The following HIF3A variants were observed in gnomAD, a reference collection of about 807,000 sequenced individuals.
The protein encoded by HIF3A is hypoxia inducible factor 3 subunit alpha.
Under a neutral mutation model 67.2 loss-of-function variants are expected in HIF3A, and 41 were observed. The ratio of observed to expected loss-of-function variants is 0.61; its 90% CI spans 0.48 to 0.79. HIF3A has a LOEUF of 0.79. HIF3A is among the 30% of genes least tolerant of loss of function. The pLI is 0.00. For missense variants in HIF3A, 855 were observed against 898.0 expected (o/e 0.95, Z 0.61); for synonymous variants, 356 against 374.8 (o/e 0.95, Z 0.58).
At chr19:46,304,605 C>T (rs1490946003) in intron 2 of HIF3A, among the ~76,000 whole-genome samples, 1 of 152,060 alleles carries the variant, frequency 6.6e-6, no homozygotes. Flanking sequence ...CATCCTGCAG[C>T]GGGCTTTGCC....
intron 1 of HIF3A, among the ~76,000 whole-genome samples, chr19:46,301,777 G>T (rs552692210): frequency 6.7e-6 from 1 of 149,998 alleles, no homozygotes; most frequent in Non-Finnish European, 1.5e-5. Context: ...AGCCAAGATC[G>T]TGCCATTATA....
intron 14 of HIF3A, among the ~76,000 whole-genome samples, chr19:46,336,796 G>A (rs938821021): frequency 6.6e-6 from 1 of 152,266 alleles, no homozygotes; most frequent in Non-Finnish European, 1.5e-5. Flanking sequence ...AGACCAGCCT[G>A]GCCAACATGG....
intron 1 of HIF3A, among the ~76,000 whole-genome samples, chr19:46,302,861 G>T (rs557611129): frequency 6.6e-6 from 1 of 152,298 alleles, no homozygotes; most frequent in South Asian, 2.1e-4. Context: ...GCAACAGAGC[G>T]ACAGCCTGTC....
intron 3 of HIF3A, among the ~76,000 whole-genome samples, chr19:46,307,991 CAGACAGACAGAT>C (rs1212869083): frequency 0.15 from 21,099 of 138,038 alleles, 1,612 homozygotes; most frequent in East Asian, 0.28. Flanking sequence ...GACAGACAGA[CAGACAGACAGAT>C]AGATAGATAG....
chr19:46,322,858 G>A (rs1410609303), intron 10 of HIF3A, among the ~76,000 whole-genome samples: 2 of 152,166 alleles, frequency 1.3e-5, no homozygotes, highest in Non-Finnish European at 2.9e-5. Context: ...TACATTGAGT[G>A]AGGTATGGAG....
chr19:46,333,794 T>C (rs1001486099), intron 13 of HIF3A, among the ~76,000 whole-genome samples: 23 of 132,802 alleles, frequency 1.7e-4, no homozygotes, highest in African/African-American at 5.4e-4. Flanking sequence ...CTTTCTTTTT[T>C]TTTTTTTTTT....
At chr19:46,313,386 G>A (rs1429841849) in intron 8 of HIF3A, 1 of 884,548 alleles carries the variant, frequency 1.1e-6, no homozygotes, top group Non-Finnish European at 1.3e-6. Context: ...ACTTTGGGAG[G>A]CCAGGGGAGG....
intron 10 of HIF3A, among the ~76,000 whole-genome samples, chr19:46,324,303 G>A (rs1469391961): frequency 6.6e-6 from 1 of 152,156 alleles, no homozygotes; most frequent in Non-Finnish European, 1.5e-5. Context: ...GCACCTATCG[G>A]TGCTCAACAG....
chr19:46,311,125 C>G (rs1398295316), intron 6 of HIF3A, among the ~76,000 whole-genome samples: 1 of 152,046 alleles, frequency 6.6e-6, no homozygotes, highest in East Asian at 1.9e-4. Context: ...CTCTCTTCCT[C>G]TCTCCTATGT....
chr19:46,323,646 C>T (rs545952652), intron 10 of HIF3A, among the ~76,000 whole-genome samples: 212 of 152,198 alleles, frequency 1.4e-3, no homozygotes, highest in Middle Eastern at 0.01. Flanking sequence ...TGTCTTCACG[C>T]TGCTGCTAAA....
In HIF3A at chr19:46,321,788, C is replaced by A. The variant is rs1970385893; in HGVS notation, c.1157C>A (p.Pro386His). ...ATGTGTCCTGCAGACACCCCTGGCC[C>A]CCGGATCCTTGCCTTCCTGCACCCG... ...NPGDSLDTPG[P>H]RILAFLHPPS... Residue 386 changes from proline (P) to histidine (H), a missense_variant, in exon 10 of 15, where the codon CCC becomes CAC. Pro to His is a moderately conservative substitution (Grantham distance 77, BLOSUM62 -2). Coordinates refer to ENST00000377670, the MANE Select transcript of HIF3A (RefSeq NM_152795.4). 6.2e-7 allele frequency: 1 copy of A among 1,613,444 alleles called. No homozygotes were observed. Among genetic ancestry groups the A allele is most frequent in the African/African-American group, 1.3e-5 (1 of 74,900 alleles).
chr19:46,311,424 TAAAG>T (rs1415475365), intron 6 of HIF3A, among the ~76,000 whole-genome samples: 2 of 152,130 alleles, frequency 1.3e-5, no homozygotes, highest in African/African-American at 4.8e-5. Context: ...GACCTCATCT[TAAAG>T]AAAGAAAAAG....
chr19:46,298,080 C>T (rs1967999068), intron 1 of HIF3A, among the ~76,000 whole-genome samples: 1 of 152,086 alleles, frequency 6.6e-6, no homozygotes, highest in African/African-American at 2.4e-5. Flanking sequence ...TCCCATGGGA[C>T]CCTGGAAAAT....
chr19:46,318,245 C>T (rs1197780420), intron 8 of HIF3A, among the ~76,000 whole-genome samples: 2 of 150,570 alleles, frequency 1.3e-5, no homozygotes, highest in East Asian at 1.9e-4. Flanking sequence ...GAGCCTTGCT[C>T]TGCCACCCAG....
intron 6 of HIF3A, among the ~76,000 whole-genome samples, chr19:46,309,929 A>C (rs1454069627): frequency 1.3e-5 from 2 of 152,032 alleles, no homozygotes; most frequent in Non-Finnish European, 2.9e-5. Flanking sequence ...TCTACAAAAA[A>C]ATTAGCCAAG....
intron 8 of HIF3A, among the ~76,000 whole-genome samples, chr19:46,314,588 G>T (rs1247359708): frequency 6.9e-6 from 1 of 145,914 alleles, no homozygotes; most frequent in African/African-American, 2.5e-5. Flanking sequence ...ACAGAGTTTT[G>T]CCCTTGTCAC....
chr19:46,320,802 C>G (rs558131692), intron 9 of HIF3A, among the ~76,000 whole-genome samples: 1 of 152,350 alleles, frequency 6.6e-6, no homozygotes, highest in Admixed American at 6.5e-5. Flanking sequence ...CCTCCCTCCC[C>G]TTCTGTGGCT....
chr19:46,318,910 C>T (rs570043833), intron 8 of HIF3A, among the ~76,000 whole-genome samples: 44 of 152,174 alleles, frequency 2.9e-4, no homozygotes, highest in African/African-American at 9.4e-4. Flanking sequence ...TGTGAGCCAC[C>T]GCGCCTGGCC....
chr19:46,320,514 G>A lies in HIF3A; in HGVS notation c.1097G>A (p.Arg366Gln), dbSNP rs771214088. ...CAACACTCTCGCAGACCCATTCAGC[G>A]GGGCGCCCCCTCTCAGAAGGACACC... ...TEQHSRRPIQ[R>Q]GAPSQKDTPN... The change falls in exon 9 of 15, where the codon CGG (arginine) becomes CAG (glutamine). Residue 366 changes from arginine to glutamine, a missense_variant. Transcript: ENST00000377670. 5.0e-6 allele frequency: 8 copies of A among 1,614,002 alleles called. No individual in the cohort carries two copies. In the Admixed American group the frequency reaches 5.0e-5, roughly 10 times the overall value.
Sources: gnomAD v4.1 joint callset for allele counts (sites outside exome capture counted in the v4.1 genomes callset) on GRCh38, gnomAD v4.1.1 for gene constraint, MANE v1.5 for transcripts, NCBI Gene and HGNC (gene_info 2026-07-23, HGNC 2026-07-21) for gene names.